Variants in RBM11 observed in about 807,000 individuals in gnomAD.
The protein encoded by RBM11 is RNA binding motif protein 11, also known as splicing regulator RBM11.
Under a neutral mutation model 21.4 loss-of-function variants are expected in RBM11, and 18 were observed. The ratio of observed to expected loss-of-function variants is 0.84; its 90% CI spans 0.58 to 1.25. RBM11 has a LOEUF of 1.25. Ranked by LOEUF, RBM11 falls within the 50% of genes most tolerant of loss-of-function variation. The probability of loss-of-function intolerance (pLI) is 0.00; values close to 1 mark genes in which losing one functional copy is unlikely to be tolerated. For missense variants in RBM11, 294 were observed against 331.9 expected (o/e 0.89, Z 0.89); for synonymous variants, 120 against 116.3 (o/e 1.03, Z -0.20).
chr21:14,220,210 G>C (rs1427871247), intron 2 of RBM11, among the ~76,000 whole-genome samples: 1 of 152,166 alleles, frequency 6.6e-6, no homozygotes, highest in African/African-American at 2.4e-5. Context: ...AGTGGTGAAA[G>C]GCAACGTAGA....
In RBM11 at chr21:14,227,558, A is replaced by G; in HGVS notation, c.*265A>G. The G allele has an allele frequency of 2.5e-6, 1 of 396,608 alleles. No homozygotes were observed. 24.6% of individuals were successfully genotyped at this position (396,608 alleles called of 1,614,324 possible). A position where few individuals can be genotyped will look rare whatever the true frequency, so the allele number is the denominator to read the frequency against. On this transcript the variant is annotated 3_prime_UTR_variant, in exon 5 of 5. Coordinates refer to ENST00000400577, the MANE Select transcript of RBM11 (RefSeq NM_144770.5). ...GACTATTGTCATTTTATTAGTACCA[A>G]TGATGAAATTTCACCAAACTATTAA...
At chr21:14,220,190 G>A (rs1016650891) in intron 2 of RBM11, among the ~76,000 whole-genome samples, 3 of 152,266 alleles carry the variant, frequency 2.0e-5, no homozygotes, top group Non-Finnish European at 4.4e-5. Context: ...TTTAGCCCCT[G>A]TAAGAGCAAA....
intron 1 of RBM11, among the ~76,000 whole-genome samples, chr21:14,218,317 T>G (rs894299892): frequency 6.6e-6 from 1 of 152,210 alleles, no homozygotes; most frequent in Non-Finnish European, 1.5e-5. Context: ...TATTACAGTA[T>G]ATTTATCCTT....
chr21:14,224,071 T>C (rs1320787841), intron 3 of RBM11, among the ~76,000 whole-genome samples: 1 of 152,116 alleles, frequency 6.6e-6, no homozygotes, highest in African/African-American at 2.4e-5. Flanking sequence ...AACAAACAGG[T>C]ATTGTGTTAT....
At position 14,216,714 on chromosome 21, in the gene RBM11, C is replaced by T. The variant is rs186816427; in HGVS notation, c.96+432C>T. On this transcript the variant is annotated intron_variant, in intron 1 of 4. Transcript: ENST00000400577. ...CTTCCTTCAAGCCCTTTTATGCGGA[C>T]AGTATTTTTATTCCAGCATGAAAAG... is the stretch of plus-strand genomic sequence containing the variant. Among the ~76,000 whole-genome samples the T allele has an allele frequency of 1.5e-3, 222 of 152,224 alleles. 1 individual carries two copies. Among genetic ancestry groups the T allele is most frequent in the African/African-American group, 5.2e-3 (216 of 41,540 alleles).
chr21:14,217,857 A>G (rs1600954682), intron 1 of RBM11, among the ~76,000 whole-genome samples: 1 of 152,214 alleles, frequency 6.6e-6, no homozygotes, highest in Non-Finnish European at 1.5e-5. Flanking sequence ...GCATTATCCA[A>G]TAACCATTAT....
intron 1 of RBM11, among the ~76,000 whole-genome samples, chr21:14,217,932 T>C (rs1230769875): frequency 6.6e-6 from 1 of 152,034 alleles, no homozygotes; most frequent in South Asian, 2.1e-4. Context: ...TATTATCTTC[T>C]CATTCTTTAT....
At chr21:14,217,283 C>A (rs907777008) in intron 1 of RBM11, among the ~76,000 whole-genome samples, 1 of 152,040 alleles carries the variant, frequency 6.6e-6, no homozygotes, top group African/African-American at 2.4e-5. Context: ...GTCTAGCACT[C>A]GCTGTTTGCT....
rs1397681184 is a variant in RBM11 at position 14,216,165 on chromosome 21, A to T, written c.-22A>T. The T allele has an allele frequency of 6.2e-7, 1 of 1,605,492 alleles. No homozygotes were observed. The highest frequency in any genetic ancestry group is 8.5e-7 in the Non-Finnish European group (1 of 1,174,410). The stretch of plus-strand genomic sequence containing the variant: ...GGGGCGGGGTCTCAGCTCCTACTTC[A>T]TTCTACGGCCGAGACCGGAGGATGT... On this transcript the variant is annotated 5_prime_UTR_variant, in exon 1 of 5. Coordinates refer to ENST00000400577, the MANE Select transcript of RBM11 (RefSeq NM_144770.5).
chr21:14,223,283 A>G (rs1032094918), intron 3 of RBM11, among the ~76,000 whole-genome samples: 5 of 152,228 alleles, frequency 3.3e-5, no homozygotes, highest in Admixed American at 1.3e-4. Flanking sequence ...GCAGAGAAAA[A>G]TGGTGCTTAT....
chr21:14,224,122 C>T (rs1978895898), intron 3 of RBM11, among the ~76,000 whole-genome samples: 1 of 152,148 alleles, frequency 6.6e-6, no homozygotes, highest in South Asian at 2.1e-4. Flanking sequence ...CTTCAAATTT[C>T]CCCTTTTTAA....
intron 1 of RBM11, among the ~76,000 whole-genome samples, 195 bp from the exon 2 acceptor site, chr21:14,219,368 A>G (rs437521): frequency 0.2 from 30,890 of 152,076 alleles, 3,233 homozygotes; most frequent in African/African-American, 0.24. Context: ...AACACCATGT[A>G]TGTTTCCCCA....
At chr21:14,222,909 G>A (rs1978793366) in intron 3 of RBM11, among the ~76,000 whole-genome samples, 1 of 152,170 alleles carries the variant, frequency 6.6e-6, no homozygotes, top group South Asian at 2.1e-4. Context: ...ATAAAGGGGG[G>A]GAAGCACTAT....
chr21:14,217,001 G>A (rs2020461252), intron 1 of RBM11, among the ~76,000 whole-genome samples: 1 of 152,178 alleles, frequency 6.6e-6, no homozygotes, highest in Admixed American at 6.5e-5. Context: ...AATACTGAGG[G>A]TGCTGGGAAA....
rs1256491410 is a variant in RBM11, at chr21:14,216,182, G to A, written c.-5G>A. ...CCTACTTCATTCTACGGCCGAGACCGGAGGATGTTCCCTGCTCAGGAGGAG... is the reference window on the plus strand; with the variant it reads ...CCTACTTCATTCTACGGCCGAGACCAGAGGATGTTCCCTGCTCAGGAGGAG... On this transcript the variant is annotated 5_prime_UTR_variant, in exon 1 of 5. Transcript: ENST00000400577. The A allele has an allele frequency of 9.9e-6, 16 of 1,612,028 alleles. No individual in the cohort carries two copies. The highest frequency in any genetic ancestry group is 1.7e-5 in the Admixed American group (1 of 59,902).
intron 4 of RBM11, among the ~76,000 whole-genome samples, chr21:14,225,693 A>G (rs1979029774): frequency 6.6e-6 from 1 of 152,166 alleles, no homozygotes; most frequent in Non-Finnish European, 1.5e-5. Flanking sequence ...CTATGGTAAA[A>G]CATTAGTAAA....
intron 1 of RBM11, 32 bp downstream of exon 1, chr21:14,216,314 C>G: frequency 6.3e-7 from 1 of 1,582,996 alleles, no homozygotes; most frequent in Non-Finnish European, 8.6e-7. Context: ...GGCGGAGGGG[C>G]GGAGCACGTC....
intron 1 of RBM11, among the ~76,000 whole-genome samples, chr21:14,218,224 C>A (rs1266469670): frequency 1.3e-5 from 2 of 152,200 alleles, no homozygotes; most frequent in South Asian, 2.1e-4. Context: ...TGTCAAAATT[C>A]AAATCACGTA....
rs768728692 is a variant in RBM11 at position 14,224,577 on chromosome 21, A to G, written c.432+40A>G. The G allele has an allele frequency of 1.3e-5, 20 of 1,515,426 alleles. No individual in the cohort carries two copies. The South Asian group carries it at 2.6e-4, about 20-fold the overall frequency. The allele number at this position is 1,515,426 out of a possible 1,614,324, so 93.9% of individuals were successfully genotyped here. A position where few individuals can be genotyped will look rare whatever the true frequency, so the allele number is the denominator to read the frequency against. On this transcript the variant is annotated intron_variant, in intron 4 of 4. Transcript: ENST00000400577. ...CATTTTATTTAGTATATAATATGAT[A>G]CAAACTATGAAGAACATAAAGGCTA...
Sources: gnomAD v4.1 joint callset for allele counts (sites outside exome capture counted in the v4.1 genomes callset) on GRCh38, gnomAD v4.1.1 for gene constraint, MANE v1.5 for transcripts, NCBI Gene and HGNC (gene_info 2026-07-23, HGNC 2026-07-21) for gene names.